The following CSMD1 variants were observed in gnomAD, a reference collection of about 807,000 sequenced individuals.
CSMD1 encodes CUB and sushi domain-containing protein 1.
CSMD1 carries 213 observed loss-of-function variants against 417.5 expected under a neutral mutation model. The ratio of observed to expected loss-of-function variants is 0.51; its 90% CI spans 0.46 to 0.57. The LOEUF is 0.57. Ranked by LOEUF, CSMD1 falls within the 20% of genes least tolerant of loss-of-function variation. The probability of loss-of-function intolerance (pLI) is 0.00; values close to 1 mark genes in which losing one functional copy is unlikely to be tolerated. For missense variants in CSMD1, 6,923 were observed against 4,529.7 expected, an observed-to-expected ratio of 1.53 and a Z score of -15.17; for synonymous variants, 2,862 against 1,736.8, an observed-to-expected ratio of 1.65 and a Z score of -16.11.
chr8:4,314,703 T>C (rs1365280795), intron 3 of CSMD1, among the ~76,000 whole-genome samples: 1 of 152,228 alleles, frequency 6.6e-6, no homozygotes, highest in Admixed American at 6.5e-5. Context: ...AGTTTTTATG[T>C]GTTCTTACGT....
chr8:3,943,511 G>T (rs979061738), intron 5 of CSMD1, among the ~76,000 whole-genome samples: 1 of 148,254 alleles, frequency 6.7e-6, no homozygotes, highest in African/African-American at 2.5e-5. Flanking sequence ...AAGTATTATT[G>T]AAAATGGAAT....
At chr8:3,600,894 T>TA (rs999109601) in intron 8 of CSMD1, among the ~76,000 whole-genome samples, 2 of 152,108 alleles carry the variant, frequency 1.3e-5, no homozygotes, top group African/African-American at 4.8e-5. Flanking sequence ...TTCAATACAA[T>TA]AAAAAAATGG....
intron 1 of CSMD1, among the ~76,000 whole-genome samples, chr8:4,802,749 T>G (rs1215696976): frequency 6.6e-6 from 1 of 152,188 alleles, no homozygotes; most frequent in African/African-American, 2.4e-5. Context: ...ATGTCAACAA[T>G]CATTTATTGT....
At chr8:3,652,865 G>T (rs896366104) in intron 7 of CSMD1, among the ~76,000 whole-genome samples, 1 of 152,148 alleles carries the variant, frequency 6.6e-6, no homozygotes, top group African/African-American at 2.4e-5. Context: ...AGAACAGAGG[G>T]TGCACACAGT....
chr8:4,691,970 G>C (rs964572968), intron 1 of CSMD1, among the ~76,000 whole-genome samples: 7 of 152,150 alleles, frequency 4.6e-5, no homozygotes, highest in African/African-American at 1.7e-4. Context: ...CTCGTTTTAT[G>C]AGCTCTCCTC....
chr8:3,089,243 C>A (rs1455778966), intron 48 of CSMD1, among the ~76,000 whole-genome samples: 1 of 152,172 alleles, frequency 6.6e-6, no homozygotes, highest in Non-Finnish European at 1.5e-5. Context: ...TAATGGGTAC[C>A]CAGGTGAGAG....
intron 1 of CSMD1, among the ~76,000 whole-genome samples, chr8:4,971,688 AATATAT>A (rs5889080): frequency 1.3e-5 from 2 of 148,910 alleles, no homozygotes; most frequent in African/African-American, 4.9e-5. Flanking sequence ...ACTATTCTGA[AATATAT>A]ATATATATAT....
intron 5 of CSMD1, among the ~76,000 whole-genome samples, chr8:3,825,122 G>C (rs191934627): frequency 6.6e-6 from 1 of 152,244 alleles, no homozygotes; most frequent in East Asian, 1.9e-4. Context: ...AAAATGATTT[G>C]AAAGGAAGCA....
intron 3 of CSMD1, among the ~76,000 whole-genome samples, chr8:4,316,602 G>C (rs962656573): frequency 1.3e-5 from 2 of 152,000 alleles, no homozygotes; most frequent in Non-Finnish European, 2.9e-5. Flanking sequence ...ACTTGGTGTA[G>C]ACATCAGAGA....
In CSMD1 at chr8:4,357,040, C is replaced by T. The variant is rs370685280; in HGVS notation, c.415+62913G>A. On this transcript the variant is annotated intron_variant, in intron 3 of 69. Coordinates refer to ENST00000635120, the MANE Select transcript of CSMD1 (RefSeq NM_033225.6). The stretch of plus-strand genomic sequence containing the variant: ...TGCTATAAAATTCTTACATTGTATG[C>T]AGTTATTAAAATGTATCTTTACTGA... Among the ~76,000 whole-genome samples, 3 of 152,274 alleles carry T rather than the reference C, an allele frequency of 2.0e-5. No homozygotes were observed. In the East Asian group the frequency reaches 5.8e-4, roughly 29 times the overall value.
chr8:3,521,606 C>G (rs887456577), intron 10 of CSMD1, among the ~76,000 whole-genome samples: 4 of 152,160 alleles, frequency 2.6e-5, no homozygotes, highest in African/African-American at 7.2e-5. Flanking sequence ...TGGTGTTTAG[C>G]TAAATCCCTT....
At chr8:3,249,229 CTGT>C (rs1392758592) in intron 26 of CSMD1, among the ~76,000 whole-genome samples, 53 of 152,144 alleles carry the variant, frequency 3.5e-4, no homozygotes, top group African/African-American at 1.3e-3. Flanking sequence ...GCTGCTGCTG[CTGT>C]TGTTATTGAG....
chr8:2,938,453 T>C lies in CSMD1; in HGVS notation c.*132A>G, dbSNP rs557663092. On this transcript the variant is annotated 3_prime_UTR_variant, in exon 70 of 70. Transcript: ENST00000635120. ...TGAGTAGAGATCCCCGCTGCACTTA[T>C]GCCAGTAGACAAGGTTGAAGATCGC... The C allele has an allele frequency of 1.3e-5, 11 of 820,438 alleles. No individual in the cohort carries two copies. The highest frequency in any genetic ancestry group is 6.9e-5 in the African/African-American group (4 of 57,900). 50.8% of individuals were successfully genotyped at this position (820,438 alleles called of 1,614,324 possible). A position where few individuals can be genotyped will look rare whatever the true frequency, so the allele number is the denominator to read the frequency against.
intron 3 of CSMD1, among the ~76,000 whole-genome samples, chr8:4,401,477 G>A (rs748159907): frequency 3.3e-5 from 5 of 152,068 alleles, no homozygotes; most frequent in African/African-American, 1.2e-4. Context: ...GGCCCAAGCA[G>A]CACCATCCCC....
At chr8:4,832,416 G>A (rs118057075) in intron 1 of CSMD1, among the ~76,000 whole-genome samples, 1 of 152,178 alleles carries the variant, frequency 6.6e-6, no homozygotes, top group African/African-American at 2.4e-5. Context: ...TCTACTAAGA[G>A]CATCAGGAAG....
chr8:4,179,044 C>A (rs1186001339), intron 3 of CSMD1, among the ~76,000 whole-genome samples: 2 of 151,942 alleles, frequency 1.3e-5, no homozygotes, highest in East Asian at 3.9e-4. Context: ...ATCAAGCTAC[C>A]AATGACTTTC....
intron 2 of CSMD1, among the ~76,000 whole-genome samples, chr8:4,552,878 T>C (rs1011074723): frequency 1.3e-5 from 2 of 152,156 alleles, no homozygotes; most frequent in Non-Finnish European, 2.9e-5. Context: ...AAGCTCTTCT[T>C]TTAAACCTCT....
chr8:4,299,207 C>T (rs937402923), intron 3 of CSMD1, among the ~76,000 whole-genome samples: 1 of 152,068 alleles, frequency 6.6e-6, no homozygotes, highest in Non-Finnish European at 1.5e-5. Context: ...ATACTTTTGC[C>T]AGGTAATGTA....
Position 3,357,632 on chromosome 8 carries a change from C to G in CSMD1, c.3304+1520G>C, listed in dbSNP as rs377233216. On this transcript the variant is annotated intron_variant, in intron 21 of 69. Coordinates refer to ENST00000635120, the MANE Select transcript of CSMD1 (RefSeq NM_033225.6). ...CTTAATCATTATAATCAGTAGACTA[C>G]TGACTGTTACATATCTAGATGTCAC... 2.4e-4 allele frequency among the ~76,000 whole-genome samples: 36 copies of G among 152,306 alleles called. No homozygotes were observed. The East Asian group carries it at 5.6e-3, about 24-fold the overall frequency.
Sources: allele counts gnomAD v4.1 joint callset (sites outside exome capture counted in the v4.1 genomes callset), GRCh38; gene constraint gnomAD v4.1.1; transcripts MANE v1.5; gene names NCBI Gene and HGNC (gene_info 2026-07-23, HGNC 2026-07-21).